Variants in ERBIN observed in about 807,000 individuals in gnomAD.
The protein encoded by ERBIN is densin-180-like protein.
A neutral mutation model predicts 158.4 loss-of-function variants in ERBIN; 60 were observed. The observed-to-expected ratio is 0.38, with a 90% CI of 0.31 to 0.47. The LOEUF (loss-of-function observed/expected upper bound fraction) is 0.47. ERBIN is among the 20% of genes least tolerant of loss of function. ERBIN has a pLI of 0.99. For missense variants in ERBIN, 1,610 were observed against 1,648.0 expected (o/e 0.98, Z 0.40); for synonymous variants, 594 against 557.2 (o/e 1.07, Z -0.93).
At chr5:65,929,187 A>G (rs1743051334) in intron 1 of ERBIN, among the ~76,000 whole-genome samples, 2 of 152,240 alleles carry the variant, frequency 1.3e-5, no homozygotes, top group South Asian at 4.1e-4. Context: ...AACTATAGAT[A>G]CATTAACATA....
chr5:66,044,547 T>C (rs558536848), intron 17 of ERBIN, among the ~76,000 whole-genome samples: 22 of 151,972 alleles, frequency 1.4e-4, no homozygotes, highest in Non-Finnish European at 2.9e-4. Flanking sequence ...AGCAGATCAC[T>C]TGAGGTCAGG....
In ERBIN at chr5:66,075,188, C is replaced by T. The variant is rs1414042827; in HGVS notation, c.3921C>T (p.Pro1307=). Residue 1307 remains proline, a synonymous_variant, in exon 23 of 26, where the codon CCC becomes CCT. Coordinates refer to ENST00000284037, the MANE Select transcript of ERBIN (RefSeq NM_001253697.2). ...CCCACCAGCCTCCATATACACAGCC[C>T]CATTGTTCTCCTAGACAAGGCCATG... ...KVAHQPPYTQ[P]HCSPRQGHEL... is the part of the protein sequence containing the mutation. 5.0e-6 allele frequency: 8 copies of T among 1,613,930 alleles called. No homozygotes were observed. The highest frequency in any genetic ancestry group is 2.7e-5 in the African/African-American group (2 of 74,892).
intron 6 of ERBIN, 30 bp downstream of exon 6, chr5:66,013,668 A>G (rs746617353): frequency 7.1e-7 from 1 of 1,406,570 alleles, no homozygotes; most frequent in Non-Finnish European, 1.0e-6. Context: ...AAAACGTTTT[A>G]TTATTAGCTC....
At chr5:65,938,758 G>T (rs1744401280) in intron 1 of ERBIN, among the ~76,000 whole-genome samples, 1 of 151,958 alleles carries the variant, frequency 6.6e-6, no homozygotes, top group East Asian at 1.9e-4. Flanking sequence ...TCACCATATT[G>T]GCCAGGCTGA....
chr5:65,989,914 A>G (rs1343924703), intron 2 of ERBIN, among the ~76,000 whole-genome samples: 1 of 152,212 alleles, frequency 6.6e-6, no homozygotes, highest in Non-Finnish European at 1.5e-5. Context: ...GAAATTTTGT[A>G]TTCATTTTTG....
intron 5 of ERBIN, among the ~76,000 whole-genome samples, chr5:66,012,409 G>A (rs1416562260): frequency 6.6e-6 from 1 of 152,148 alleles, no homozygotes; most frequent in African/African-American, 2.4e-5. Flanking sequence ...CTCACTCTGT[G>A]TTATTTACAC....
chr5:66,047,762 C>T (rs973145921), intron 18 of ERBIN, among the ~76,000 whole-genome samples: 2 of 151,964 alleles, frequency 1.3e-5, no homozygotes, highest in Admixed American at 6.6e-5. Flanking sequence ...TCACTCAATA[C>T]GCTATGGTAT....
At chr5:65,939,999 T>C (rs1368068885) in intron 1 of ERBIN, among the ~76,000 whole-genome samples, 17 of 123,884 alleles carry the variant, frequency 1.4e-4, no homozygotes, top group African/African-American at 2.1e-4. Flanking sequence ...CGTCTCTGCC[T>C]GGCCGCCCAT....
chr5:65,932,569 T>C (rs1226077204), intron 1 of ERBIN, among the ~76,000 whole-genome samples: 6 of 152,192 alleles, frequency 3.9e-5, no homozygotes, highest in African/African-American at 1.4e-4. Context: ...CCAGAGACTG[T>C]GGACTTCCAG....
At position 66,075,145 on chromosome 5, in the gene ERBIN, A is replaced by C. The variant is rs193921009; in HGVS notation, c.3878A>C (p.Tyr1293Ser). 1.2e-6 allele frequency: 2 copies of C among 1,614,048 alleles called. No homozygotes were observed. The highest frequency in any genetic ancestry group is 1.7e-6 in the Non-Finnish European group (2 of 1,180,018). The change falls in exon 23 of 26, where the codon TAC becomes TCC. Residue 1293 changes from tyrosine to serine, a missense_variant. This residue lies in a region of ERBIN where 1,014 missense variants were observed against 936.1 expected (regional missense o/e 1.08). Coordinates refer to ENST00000284037, the MANE Select transcript of ERBIN (RefSeq NM_001253697.2). Reference protein sequence around the residue: ...RHPSREQLIDYLMLKVAHQPP... With the variant: ...RHPSREQLIDSLMLKVAHQPP... The stretch of plus-strand genomic sequence containing the variant: ...CCCTCTAGAGAACAACTAATTGATT[A>C]CTTGATGCTGAAAGTGGCCCACCAG...
At chr5:66,020,582 TAA>T (rs1463990919) in intron 7 of ERBIN, among the ~76,000 whole-genome samples, 1 of 151,964 alleles carries the variant, frequency 6.6e-6, no homozygotes, top group Non-Finnish European at 1.5e-5. Context: ...AATAGCCACT[TAA>T]GAGTGTAAAT....
chr5:65,988,128 T>TG (rs994986988), intron 1 of ERBIN, among the ~76,000 whole-genome samples: 1 of 152,182 alleles, frequency 6.6e-6, no homozygotes, highest in Non-Finnish European at 1.5e-5. Flanking sequence ...CCCAGCACTT[T>TG]GGGAGACTGA....
intron 1 of ERBIN, among the ~76,000 whole-genome samples, chr5:65,943,480 C>T (rs1019149332): frequency 6.6e-6 from 1 of 152,122 alleles, no homozygotes; most frequent in Non-Finnish European, 1.5e-5. Flanking sequence ...TGAATGTTGG[C>T]GTGTTTTCAT....
chr5:66,010,476 CTTT>C (rs900347353), intron 4 of ERBIN, among the ~76,000 whole-genome samples: 22 of 152,216 alleles, frequency 1.4e-4, no homozygotes, highest in African/African-American at 5.1e-4. Flanking sequence ...TGGAAATAAT[CTTT>C]TGAGTCTCTA....
chr5:65,953,408 G>T (rs1259681053), intron 1 of ERBIN, among the ~76,000 whole-genome samples: 4 of 152,138 alleles, frequency 2.6e-5, no homozygotes, highest in Non-Finnish European at 5.9e-5. Context: ...TCCTCTTGGC[G>T]CAATAGACTC....
chr5:65,952,728 G>A (rs187107124), intron 1 of ERBIN, among the ~76,000 whole-genome samples: 1 of 152,024 alleles, frequency 6.6e-6, no homozygotes, highest in Non-Finnish European at 1.5e-5. Flanking sequence ...ATATTAATTT[G>A]TCTTAATTTG....
chr5:66,007,391 G>C (rs1252639993), intron 4 of ERBIN, among the ~76,000 whole-genome samples: 1 of 146,608 alleles, frequency 6.8e-6, no homozygotes, highest in Non-Finnish European at 1.5e-5. Context: ...GCCTGTCGTG[G>C]GGTTGGGGGA....
intron 1 of ERBIN, among the ~76,000 whole-genome samples, chr5:65,973,426 T>TA (rs1330274545): frequency 1.3e-5 from 2 of 150,578 alleles, no homozygotes; most frequent in African/African-American, 5.0e-5. Flanking sequence ...TAAAATAAAT[T>TA]AAAAAAAAGA....
chr5:66,056,971 G>C (rs1040133187), intron 21 of ERBIN, among the ~76,000 whole-genome samples: 3 of 152,080 alleles, frequency 2.0e-5, no homozygotes, highest in African/African-American at 7.2e-5. Context: ...TTAAATGTAT[G>C]CTGTGTTTGC....
Sources: gnomAD v4.1 joint callset for allele counts (sites outside exome capture counted in the v4.1 genomes callset) on GRCh38, gnomAD v4.1.1 for gene constraint, gnomAD v4.1.1 regional missense constraint, MANE v1.5 for transcripts, NCBI Gene and HGNC (gene_info 2026-07-23, HGNC 2026-07-21) for gene names.